Variants in STX18 observed in about 807,000 individuals in gnomAD.
STX18 encodes the protein syntaxin-18.
In STX18, 40 loss-of-function variants were observed where a neutral mutation model predicts 50.1. The ratio of observed to expected loss-of-function variants is 0.80; its 90% confidence interval spans 0.62 to 1.04. The LOEUF is 1.04. Ranked by LOEUF, STX18 falls within the 50% of genes least tolerant of loss-of-function variation. The pLI, the probability that STX18 is intolerant of heterozygous loss-of-function variation, is 0.00. For synonymous variants in STX18, 158 were observed against 151.8 expected (o/e 1.04, Z -0.30); for missense variants, 410 against 415.8 (o/e 0.99, Z 0.12).
At chr4:4,516,062 A>T (rs1355515383) in intron 1 of STX18, among the ~76,000 whole-genome samples, 1 of 151,926 alleles carries the variant, frequency 6.6e-6, no homozygotes, top group African/African-American at 2.4e-5. Flanking sequence ...TATAAATTCA[A>T]CTTTTAGACT....
At chr4:4,507,494 G>A (rs1477523876) in intron 1 of STX18, 7 of 766,988 alleles carry the variant, frequency 9.1e-6, no homozygotes, top group Non-Finnish European at 1.5e-5. Context: ...ATCGCTCAGA[G>A]GAGAATTCTG....
intron 5 of STX18, among the ~76,000 whole-genome samples, chr4:4,456,921 G>C (rs922948447): frequency 2.0e-5 from 3 of 152,178 alleles, no homozygotes; most frequent in African/African-American, 7.2e-5. Flanking sequence ...GTGGGATCTA[G>C]GGTGAGTGGC....
chr4:4,459,275 T>C, intron 3 of STX18, 97 bp downstream of exon 3: 1 of 844,414 alleles, frequency 1.2e-6, no homozygotes, highest in Non-Finnish European at 1.9e-6. Flanking sequence ...TAAATCGAAA[T>C]AAGAAGAGGG....
At chr4:4,501,566 A>T (rs1420240654) in intron 1 of STX18, among the ~76,000 whole-genome samples, 2 of 152,212 alleles carry the variant, frequency 1.3e-5, no homozygotes, top group Admixed American at 1.3e-4. Context: ...ATGACCTCTC[A>T]GACTGTTTTG....
At chr4:4,459,881 A>C (rs950054518) in intron 2 of STX18, among the ~76,000 whole-genome samples, 4 of 152,172 alleles carry the variant, frequency 2.6e-5, no homozygotes, top group Non-Finnish European at 4.4e-5. Flanking sequence ...GGTGTTCCCT[A>C]AACATTCCAG....
At chr4:4,443,800 C>A (rs1188262231) in intron 5 of STX18, among the ~76,000 whole-genome samples, 1 of 152,120 alleles carries the variant, frequency 6.6e-6, no homozygotes, top group African/African-American at 2.4e-5. Flanking sequence ...ATGATCATTG[C>A]ATTAGATGTA....
At chr4:4,507,329 T>C (rs1337841466) in intron 1 of STX18, 1 of 740,014 alleles carries the variant, frequency 1.4e-6, no homozygotes, top group Non-Finnish European at 2.6e-6. Context: ...CTCACAGAGC[T>C]GAATATTATG....
At chr4:4,525,923 G>C (rs369748152) in intron 1 of STX18, among the ~76,000 whole-genome samples, 16 of 152,264 alleles carry the variant, frequency 1.1e-4, no homozygotes, top group East Asian at 5.8e-4. Context: ...ATTTGAGAAA[G>C]TGAAGGAGAG....
At chr4:4,429,511 G>A (rs903509981) in intron 7 of STX18, among the ~76,000 whole-genome samples, 1 of 152,170 alleles carries the variant, frequency 6.6e-6, no homozygotes, top group African/African-American at 2.4e-5. Flanking sequence ...AGGAGCACAG[G>A]GGGACCATCC....
chr4:4,484,076 A>C (rs780974566), intron 1 of STX18, among the ~76,000 whole-genome samples: 22 of 152,032 alleles, frequency 1.4e-4, no homozygotes, highest in Admixed American at 3.9e-4. Flanking sequence ...GTTAGCCAGG[A>C]TGGTCTTGAT....
intron 1 of STX18, among the ~76,000 whole-genome samples, chr4:4,503,498 T>C (rs898784647): frequency 3.3e-5 from 5 of 152,172 alleles, no homozygotes; most frequent in African/African-American, 1.2e-4. Flanking sequence ...GGAAATTTTT[T>C]TAAAAATTAA....
intron 1 of STX18, among the ~76,000 whole-genome samples, chr4:4,510,927 C>T (rs1013825815): frequency 1.1e-4 from 17 of 152,088 alleles, no homozygotes; most frequent in Non-Finnish European, 1.2e-4. Context: ...ACCACTTGTT[C>T]TCACTCATAA....
chr4:4,428,712 G>A (rs942940111), intron 7 of STX18, among the ~76,000 whole-genome samples: 2 of 152,150 alleles, frequency 1.3e-5, no homozygotes, highest in African/African-American at 2.4e-5. Flanking sequence ...TTCTTCCAGA[G>A]CTCGCTGAGC....
chr4:4,531,675 A>G (rs1438404174), intron 1 of STX18, among the ~76,000 whole-genome samples: 4 of 152,310 alleles, frequency 2.6e-5, no homozygotes, highest in Non-Finnish European at 5.9e-5. Flanking sequence ...CTTGCTCTTC[A>G]AGGATCTGCT....
At chr4:4,462,306 A>G (rs565841379) in intron 2 of STX18, among the ~76,000 whole-genome samples, 24 of 152,354 alleles carry the variant, frequency 1.6e-4, no homozygotes, top group Admixed American at 1.4e-3. Context: ...GGAGACTTCT[A>G]TGTGTCAGGA....
chr4:4,541,899 C>T lies in STX18; in HGVS notation c.66G>A (p.Ala22=). 1 of 1,610,800 alleles carries T rather than the reference C, an allele frequency of 6.2e-7. No homozygotes were observed. Among genetic ancestry groups the T allele is most frequent in the Non-Finnish European group, 8.5e-7 (1 of 1,178,984 alleles). ...CCCCGCCGCCCACCGCCACTCCCAG[C>T]GCCTTGTTCCGCGTCTTCACGGTCT... ...SVKTVKTRNK[A]LGVAVGGGVD... is the part of the protein sequence containing the mutation. The change falls in exon 1 of 11, where the codon GCG becomes GCA. Residue 22 remains alanine, a synonymous_variant. Coordinates refer to ENST00000306200, the MANE Select transcript of STX18 (RefSeq NM_016930.4).
rs188119678 is a variant in STX18 at position 4,509,857 on chromosome 4, C to A, written c.168+31940G>T. 2.1e-3 allele frequency among the ~76,000 whole-genome samples: 316 copies of A among 152,160 alleles called. 1 individual carries two copies. Among genetic ancestry groups the A allele is most frequent in the African/African-American group, 7.2e-3 (297 of 41,530 alleles). On this transcript the variant is annotated intron_variant, in intron 1 of 10. Transcript: ENST00000306200. ...GCAGGCAGGTATCTCCAGGCAAATA[C>A]TTAGGGAAAATCATTCCAAGGAGAG...
chr4:4,522,202 C>T (rs899324816), intron 1 of STX18, among the ~76,000 whole-genome samples: 1 of 152,098 alleles, frequency 6.6e-6, no homozygotes, highest in African/African-American at 2.4e-5. Context: ...TGTTTGTGTT[C>T]ATAATAAATA....
chr4:4,448,183 C>T (rs1726533252), intron 5 of STX18, among the ~76,000 whole-genome samples: 1 of 152,198 alleles, frequency 6.6e-6, no homozygotes, highest in South Asian at 2.1e-4. Context: ...GTTACTCCAG[C>T]AATTCTGTAA....
Sources: gnomAD v4.1 joint callset for allele counts (sites outside exome capture counted in the v4.1 genomes callset) on GRCh38, gnomAD v4.1.1 for gene constraint, MANE v1.5 for transcripts, NCBI Gene and HGNC (gene_info 2026-07-23, HGNC 2026-07-21) for gene names.